CABLES1: variants seen among roughly 807,000 people sequenced by gnomAD.
CABLES1 encodes CDK5 and ABL1 enzyme substrate 1.
A neutral mutation model predicts 57.8 loss-of-function variants in CABLES1; 36 were observed. The observed-to-expected ratio is 0.62, with a 90% CI of 0.48 to 0.82. The LOEUF is 0.82. Among genes scored for constraint, CABLES1 ranks in the 40% least tolerant of loss-of-function variants. The probability of loss-of-function intolerance (pLI) is 0.00; values close to 1 mark genes in which losing one functional copy is unlikely to be tolerated. For synonymous variants in CABLES1, 374 were observed against 363.0 expected (o/e 1.03, Z -0.35); for missense variants, 767 against 836.6 (o/e 0.92, Z 1.03).
chr18:23,137,803 C>G (rs748285645), intron 1 of CABLES1, among the ~76,000 whole-genome samples: 1 of 152,194 alleles, frequency 6.6e-6, no homozygotes, highest in Non-Finnish European at 1.5e-5. Context: ...AGTTATGTAG[C>G]CTCGCTGTTT....
intron 3 of CABLES1, among the ~76,000 whole-genome samples, chr18:23,196,127 C>T (rs1423275973): frequency 4.6e-5 from 7 of 152,272 alleles, no homozygotes; most frequent in South Asian, 2.1e-4. Flanking sequence ...AAGAACATTA[C>T]GGAGCCACCT....
chr18:23,179,936 T>G (rs2047152599), intron 1 of CABLES1, among the ~76,000 whole-genome samples: 1 of 152,394 alleles, frequency 6.6e-6, no homozygotes, highest in Admixed American at 6.5e-5. Context: ...TTTTGTTTTT[T>G]GAGACGGAGT....
intron 4 of CABLES1, among the ~76,000 whole-genome samples, chr18:23,232,897 A>G (rs943345052): frequency 1.3e-5 from 2 of 152,052 alleles, no homozygotes; most frequent in African/African-American, 4.8e-5. Flanking sequence ...ATTGGAGGAT[A>G]GCTTTTTTCC....
At chr18:23,150,498 G>C (rs927309383) in intron 1 of CABLES1, among the ~76,000 whole-genome samples, 5 of 152,084 alleles carry the variant, frequency 3.3e-5, no homozygotes, top group African/African-American at 4.8e-5. Flanking sequence ...TTACAGCCGT[G>C]AGCCACCACG....
intron 7 of CABLES1, among the ~76,000 whole-genome samples, chr18:23,250,128 C>T (rs1461026353): frequency 1.3e-5 from 2 of 152,208 alleles, no homozygotes; most frequent in East Asian, 3.9e-4. Context: ...GAGATCCAGT[C>T]CCCTCCCACA....
At chr18:23,172,105 G>T (rs2047086872) in intron 1 of CABLES1, among the ~76,000 whole-genome samples, 1 of 152,130 alleles carries the variant, frequency 6.6e-6, no homozygotes, top group Admixed American at 6.5e-5. Context: ...TGTATTTTTT[G>T]TAGAGGTGGG....
chr18:23,203,590 AG>A (rs1317014099), intron 3 of CABLES1, among the ~76,000 whole-genome samples: 1 of 152,030 alleles, frequency 6.6e-6, no homozygotes, highest in Non-Finnish European at 1.5e-5. Context: ...AACATTTTGG[AG>A]GGAAAAAGGG....
chr18:23,253,684 T>C (rs756747913), intron 8 of CABLES1, 45 bp from the exon 9 acceptor site: 1 of 1,543,334 alleles, frequency 6.5e-7, no homozygotes, highest in Non-Finnish European at 8.9e-7. Flanking sequence ...CCACTGAAAC[T>C]CTAAGTTTTC....
At chr18:23,183,981 G>A (rs2047185115) in intron 1 of CABLES1, among the ~76,000 whole-genome samples, 1 of 152,142 alleles carries the variant, frequency 6.6e-6, no homozygotes, top group African/African-American at 2.4e-5. Context: ...GTGTGGGGGT[G>A]GGGCAGAGAT....
Position 23,136,424 on chromosome 18 carries a change from C to A in CABLES1, c.662C>A (p.Ala221Glu). The A allele has an allele frequency of 1.2e-6, 2 of 1,600,832 alleles. No homozygotes were observed. The highest frequency in any genetic ancestry group is 1.7e-6 in the Non-Finnish European group (2 of 1,175,182). Residue 221 changes from alanine to glutamate, a missense_variant, in exon 1 of 10, where the codon GCG (alanine) becomes GAG (glutamate). By Grantham distance (107) the Ala-to-Glu change is moderately radical. This residue lies in a region of CABLES1 where 529 missense variants were observed against 622.8 expected (regional missense o/e 0.85). Transcript: ENST00000256925. The stretch of plus-strand genomic sequence containing the variant: ...GCCTTTATCAGCGTGCAGGTGCCGG[C>A]GGCCGCCTTTTTGGGCTCCGGGACC... ...DDAFISVQVP[A>E]AAFLGSGTPG...
intron 7 of CABLES1, among the ~76,000 whole-genome samples, chr18:23,242,932 T>C (rs1316164477): frequency 2.0e-5 from 3 of 152,132 alleles, no homozygotes; most frequent in African/African-American, 7.2e-5. Flanking sequence ...AGTAATTGAC[T>C]CAATGAAAGA....
chr18:23,186,457 C>T (rs2047203519), intron 1 of CABLES1, among the ~76,000 whole-genome samples: 1 of 148,968 alleles, frequency 6.7e-6, no homozygotes, highest in Non-Finnish European at 1.5e-5. Context: ...CGGAGTTTTG[C>T]TCTTGTTGCC....
At chr18:23,226,582 T>C (rs958351462) in intron 4 of CABLES1, among the ~76,000 whole-genome samples, 1 of 152,156 alleles carries the variant, frequency 6.6e-6, no homozygotes, top group Non-Finnish European at 1.5e-5. Flanking sequence ...GAGCCTTGGG[T>C]AGGCTAATCT....
At chr18:23,237,388 G>A (rs1157370178) in intron 7 of CABLES1, 143 bp downstream of exon 7, 5 of 666,476 alleles carry the variant, frequency 7.5e-6, no homozygotes, top group Non-Finnish European at 1.4e-5. Flanking sequence ...CCCACGGAAG[G>A]ACCAGTATTG....
intron 7 of CABLES1, among the ~76,000 whole-genome samples, chr18:23,243,400 C>T (rs915015021): frequency 6.7e-6 from 1 of 150,094 alleles, no homozygotes; most frequent in African/African-American, 2.4e-5. Flanking sequence ...TAAGTGTTCA[C>T]ATCAAGGCCT....
chr18:23,225,743 G>A (rs980037282), intron 4 of CABLES1, among the ~76,000 whole-genome samples: 5 of 152,272 alleles, frequency 3.3e-5, no homozygotes, highest in Admixed American at 2.0e-4. Flanking sequence ...CATTAGTCAC[G>A]GCCTTCTCTT....
chr18:23,163,246 G>A (rs2047017271), intron 1 of CABLES1, among the ~76,000 whole-genome samples: 1 of 152,110 alleles, frequency 6.6e-6, no homozygotes, highest in Non-Finnish European at 1.5e-5. Flanking sequence ...AGTTTGAGCT[G>A]CCTGTGAGGA....
chr18:23,232,192 A>G (rs2047571439), intron 4 of CABLES1, among the ~76,000 whole-genome samples: 1 of 152,154 alleles, frequency 6.6e-6, no homozygotes, highest in South Asian at 2.1e-4. Context: ...CCCTTGGCCT[A>G]CTCACTCCAA....
At chr18:23,203,901 C>T (rs989286232) in intron 3 of CABLES1, among the ~76,000 whole-genome samples, 7 of 152,152 alleles carry the variant, frequency 4.6e-5, no homozygotes, top group Non-Finnish European at 1.0e-4. Context: ...AAAAGGCTAG[C>T]ACCTGCCATC....
Sources: allele counts gnomAD v4.1 joint callset (sites outside exome capture counted in the v4.1 genomes callset), GRCh38; gene constraint gnomAD v4.1.1; regional missense constraint gnomAD v4.1.1; transcripts MANE v1.5; gene names NCBI Gene and HGNC (gene_info 2026-07-23, HGNC 2026-07-21).